The following TBC1D9 variants were observed in gnomAD, a reference collection of about 807,000 sequenced individuals.
The protein encoded by TBC1D9 is TBC1 domain family member 9A.
In TBC1D9, 63 loss-of-function variants were observed where a neutral mutation model predicts 132.0. The ratio of observed to expected loss-of-function variants is 0.48; its 90% CI spans 0.39 to 0.59. The LOEUF (loss-of-function observed/expected upper bound fraction) is 0.59, where lower values mean the gene tolerates loss of function less well. Among genes scored for constraint, TBC1D9 ranks in the 20% least tolerant of loss-of-function variants. The pLI, the probability that TBC1D9 is intolerant of heterozygous loss-of-function variation, is 0.00. For synonymous variants in TBC1D9, 610 were observed against 609.9 expected, an observed-to-expected ratio of 1.00 and a Z score of 0.00; for missense variants, 1,261 against 1,592.7, an observed-to-expected ratio of 0.79 and a Z score of 3.54.
intron 9 of TBC1D9, among the ~76,000 whole-genome samples, chr4:140,666,950 GC>G (rs751254888): frequency 3.9e-4 from 60 of 152,278 alleles, no homozygotes; most frequent in South Asian, 1.0e-3. Context: ...ACTCACGCTG[GC>G]CCTGGAAAAG....
intron 1 of TBC1D9, among the ~76,000 whole-genome samples, chr4:140,730,279 C>T (rs1305728067): frequency 6.6e-6 from 1 of 152,192 alleles, no homozygotes; most frequent in Non-Finnish European, 1.5e-5. Context: ...TGTTTGTCAA[C>T]GGGCCACTCT....
At chr4:140,670,223 T>C (rs1011503215) in intron 7 of TBC1D9, among the ~76,000 whole-genome samples, 2 of 152,180 alleles carry the variant, frequency 1.3e-5, no homozygotes, top group Non-Finnish European at 1.5e-5. Flanking sequence ...ATGTGTGAGC[T>C]TACCACCTTC....
Position 140,622,915 on chromosome 4 carries a change from C to A in TBC1D9, c.3081G>T (p.Gly1027=). ...NAKDLPKLNQ[G]QFIELCKTMY... ...TTGTCTTACACAGTTCAATGAACTG[C>A]CCCTGAAAAGCGATTTGGAAAAACA... The change falls in exon 21 of 21, where the codon GGG becomes GGT. Residue 1027 remains glycine (G), a splice_region_variant and synonymous_variant. Transcript: ENST00000442267. 1 of 1,522,198 alleles carries A rather than the reference C, an allele frequency of 6.6e-7. No homozygotes were observed. Among genetic ancestry groups the A allele is most frequent in the Non-Finnish European group, 8.8e-7 (1 of 1,135,192 alleles). The allele number at this position is 1,522,198 out of a possible 1,614,324, so 94.3% of individuals were successfully genotyped here.
At chr4:140,676,784 A>ATT in intron 6 of TBC1D9, 110 bp downstream of exon 6, 1 of 1,424,162 alleles carries the variant, frequency 7.0e-7, no homozygotes, top group Non-Finnish European at 9.4e-7. Flanking sequence ...AAGACGCATG[A>ATT]ACATTCACCT....
chr4:140,656,385 A>G (rs1449313853), intron 13 of TBC1D9, among the ~76,000 whole-genome samples: 1 of 152,244 alleles, frequency 6.6e-6, no homozygotes, highest in Non-Finnish European at 1.5e-5. Context: ...TAATCAAAAC[A>G]GATAAGCTAT....
At chr4:140,726,271 G>A (rs891935017) in intron 1 of TBC1D9, among the ~76,000 whole-genome samples, 1 of 151,760 alleles carries the variant, frequency 6.6e-6, no homozygotes, top group Non-Finnish European at 1.5e-5. Flanking sequence ...CCTGGGCGAC[G>A]GAATGAGACT....
chr4:140,719,772 C>A (rs1014638811), intron 1 of TBC1D9, among the ~76,000 whole-genome samples: 4 of 152,186 alleles, frequency 2.6e-5, no homozygotes, highest in African/African-American at 9.7e-5. Flanking sequence ...GGGTACATAG[C>A]TCAAGGGTAA....
intron 1 of TBC1D9, among the ~76,000 whole-genome samples, chr4:140,710,661 A>C (rs1738228613): frequency 6.6e-6 from 1 of 152,096 alleles, no homozygotes; most frequent in African/African-American, 2.4e-5. Context: ...CTGCAAGCCC[A>C]TCTCTTAAAG....
chr4:140,622,908 T>C lies in TBC1D9; in HGVS notation c.3088A>G (p.Ile1030Val). ...TTATACATTGTCTTACACAGTTCAA[T>C]GAACTGCCCCTGAAAAGCGATTTGG... is the stretch of plus-strand genomic sequence containing the variant. ...DLPKLNQGQF[I>V]ELCKTMYNMF... Residue 1030 changes from isoleucine (I) to valine (V), a missense_variant, in exon 21 of 21, where the codon ATT becomes GTT. By Grantham distance (29) the Ile-to-Val change is conservative (BLOSUM62 3). Coordinates refer to ENST00000442267, the MANE Select transcript of TBC1D9 (RefSeq NM_015130.3). 6.5e-7 allele frequency: 1 copy of C among 1,531,914 alleles called. No individual in the cohort carries two copies. The allele number at this position is 1,531,914 out of a possible 1,614,324, so 94.9% of individuals were successfully genotyped here. A position where few individuals can be genotyped will look rare whatever the true frequency, so the allele number is the denominator to read the frequency against.
chr4:140,706,011 A>G lies in TBC1D9; in HGVS notation c.131-4397T>C, dbSNP rs1397906662. On this transcript the variant is annotated intron_variant, in intron 1 of 20. Transcript: ENST00000442267. This position sits in a 1 kb window ranked among gnomAD's most constrained non-coding sequence, Gnocchi z 4.0. The stretch of plus-strand genomic sequence containing the variant: ...CAAAATTGTTCCATATTTGCTTCCC[A>G]TTTGGTTGTGGGCACTGGAAGATGT... 6.6e-6 allele frequency among the ~76,000 whole-genome samples: 1 copy of G among 152,174 alleles called. No homozygotes were observed. The highest frequency in any genetic ancestry group is 1.5e-5 in the Non-Finnish European group (1 of 68,026).
intron 9 of TBC1D9, among the ~76,000 whole-genome samples, chr4:140,664,641 T>C (rs1737415005): frequency 6.6e-6 from 1 of 152,192 alleles, no homozygotes; most frequent in Admixed American, 6.5e-5. Context: ...ATGGACTAGA[T>C]TTAAGAGTCC....
At chr4:140,654,438 A>G (rs558137374) in intron 13 of TBC1D9, among the ~76,000 whole-genome samples, 2 of 142,786 alleles carry the variant, frequency 1.4e-5, no homozygotes, top group South Asian at 5.0e-4. Flanking sequence ...CATCTAACAA[A>G]AGAAAAAAGA....
At chr4:140,752,566 T>TTA (rs1553976082) in intron 1 of TBC1D9, among the ~76,000 whole-genome samples, 3 of 151,994 alleles carry the variant, frequency 2.0e-5, no homozygotes, top group South Asian at 2.1e-4. Flanking sequence ...TATTTTTTTT[T>TTA]ATCCTGGTGT....
chr4:140,665,286 C>A (rs111450051), intron 9 of TBC1D9, among the ~76,000 whole-genome samples: 61 of 152,010 alleles, frequency 4.0e-4, no homozygotes, highest in African/African-American at 1.3e-3. Flanking sequence ...TCGAAGGATA[C>A]CATCAAAGAC....
chr4:140,722,811 T>G (rs1421135142), intron 1 of TBC1D9, among the ~76,000 whole-genome samples: 1 of 152,216 alleles, frequency 6.6e-6, no homozygotes, highest in Non-Finnish European at 1.5e-5. Flanking sequence ...CACCCCCTCC[T>G]GGACATGCCT....
chr4:140,747,549 C>T (rs909763270), intron 1 of TBC1D9, among the ~76,000 whole-genome samples: 1 of 151,938 alleles, frequency 6.6e-6, no homozygotes, highest in Non-Finnish European at 1.5e-5. Context: ...ACAAACTGGA[C>T]AAAATATATT....
chr4:140,627,579 G>C, intron 17 of TBC1D9, 52 bp from the exon 18 acceptor site: 1 of 1,114,472 alleles, frequency 9.0e-7, no homozygotes, highest in South Asian at 1.4e-5. Flanking sequence ...ATGATCCAGT[G>C]AAAGTATGCT....
intron 9 of TBC1D9, among the ~76,000 whole-genome samples, chr4:140,664,997 C>T (rs1737420075): frequency 6.6e-6 from 1 of 151,752 alleles, no homozygotes; most frequent in Middle Eastern, 3.2e-3. Flanking sequence ...ATCCCAGCTA[C>T]TCAGGAGGCT....
At chr4:140,684,260 A>T (rs1202829985) in intron 3 of TBC1D9, among the ~76,000 whole-genome samples, 2 of 151,796 alleles carry the variant, frequency 1.3e-5, no homozygotes, top group Non-Finnish European at 2.9e-5. Flanking sequence ...AAAAAAGTTA[A>T]GAAAAGGGAG....
Sources: allele counts gnomAD v4.1 joint callset (sites outside exome capture counted in the v4.1 genomes callset), GRCh38; gene constraint gnomAD v4.1.1; non-coding constraint Gnocchi (gnomAD v3.1); transcripts MANE v1.5; gene names NCBI Gene and HGNC (gene_info 2026-07-23, HGNC 2026-07-21).